Variants in BIRC6 observed in about 807,000 individuals in gnomAD.
The protein encoded by BIRC6 is dual E2 ubiquitin-conjugating enzyme/E3 ubiquitin-protein ligase BIRC6.
A neutral mutation model predicts 503.3 loss-of-function variants in BIRC6; 98 were observed. The ratio of observed to expected loss-of-function variants is 0.19; its 90% confidence interval spans 0.17 to 0.23. The LOEUF is 0.23. BIRC6 is among the 10% of genes least tolerant of loss of function. BIRC6 has a pLI of 1.00. For missense variants in BIRC6, 5,360 were observed against 5,806.0 expected, an observed-to-expected ratio of 0.92 and a Z score of 2.50; for synonymous variants, 2,240 against 2,078.7, an observed-to-expected ratio of 1.08 and a Z score of -2.11.
At chr2:32,554,718 C>G (rs2058659990) in intron 65 of BIRC6, among the ~76,000 whole-genome samples, 1 of 152,012 alleles carries the variant, frequency 6.6e-6, no homozygotes, top group Non-Finnish European at 1.5e-5. Flanking sequence ...TGATTTTTCT[C>G]ACAGTGTATT....
chr2:32,581,344 AAGTC>A (rs1381679599), intron 66 of BIRC6, among the ~76,000 whole-genome samples: 1 of 152,254 alleles, frequency 6.6e-6, no homozygotes, highest in African/African-American at 2.4e-5. Context: ...TTTATTAAAT[AAGTC>A]AGTTTTCTTG....
At chr2:32,383,200 C>G (rs2037939695) in intron 3 of BIRC6, among the ~76,000 whole-genome samples, 1 of 151,634 alleles carries the variant, frequency 6.6e-6, no homozygotes, top group South Asian at 2.1e-4. Context: ...GCGCGTGCCA[C>G]CACGCCTGGC....
chr2:32,583,036 A>C (rs1440194345), intron 66 of BIRC6, among the ~76,000 whole-genome samples: 2 of 152,212 alleles, frequency 1.3e-5, no homozygotes, highest in Non-Finnish European at 2.9e-5. Flanking sequence ...CTAAGTGATT[A>C]ATCTCTTACA....
At chr2:32,535,150 C>CAAAAAAAAA (rs1158856665) in intron 61 of BIRC6, among the ~76,000 whole-genome samples, 73 of 7,274 alleles carry the variant, frequency 0.01, 7 homozygotes, top group Non-Finnish European at 0.013. Context: ...CCCAAAAAAG[C>CAAAAAAAAA]AAAAAAAAAA....
rs371571067 is a variant in BIRC6 at position 32,474,920 on chromosome 2, TG to T, written c.6721-1292del. On this transcript the variant is annotated intron_variant, in intron 33 of 73. Coordinates refer to ENST00000421745, the MANE Select transcript of BIRC6 (RefSeq NM_016252.4). ...GGATTTTTAAAAATAACGTTAGTGA[TG>T]TTTTTTTTCCTGATACCAAAAACAG... is the stretch of plus-strand genomic sequence containing the variant. Among the ~76,000 whole-genome samples, 50 of 152,204 alleles carry T rather than the reference TG, an allele frequency of 3.3e-4. No individual in the cohort carries two copies. The South Asian group carries it at 6.0e-3, about 18-fold the overall frequency.
chr2:32,487,846 G>A, intron 41 of BIRC6, 45 bp downstream of exon 41: 1 of 1,510,964 alleles, frequency 6.6e-7, no homozygotes, highest in Non-Finnish European at 9.1e-7. Context: ...ATTATTGTTA[G>A]CCTGGTAAAA....
intron 23 of BIRC6, among the ~76,000 whole-genome samples, chr2:32,456,529 T>C (rs2047284594): frequency 6.6e-6 from 1 of 152,238 alleles, no homozygotes; most frequent in African/African-American, 2.4e-5. Flanking sequence ...TCATAGGGTA[T>C]TCATATATTC....
intron 26 of BIRC6, among the ~76,000 whole-genome samples, chr2:32,465,905 A>G (rs2048492712): frequency 1.4e-5 from 2 of 141,532 alleles, no homozygotes; most frequent in African/African-American, 4.9e-5. Flanking sequence ...AAAGTCTTAC[A>G]GTATTTTCTG....
chr2:32,456,014 A>T (rs1411313211), intron 23 of BIRC6, among the ~76,000 whole-genome samples: 1 of 152,198 alleles, frequency 6.6e-6, no homozygotes, highest in Non-Finnish European at 1.5e-5. Context: ...TGCAGAAAAT[A>T]ATTGCATAGC....
At chr2:32,372,429 G>A (rs941807298) in intron 1 of BIRC6, among the ~76,000 whole-genome samples, 7 of 152,106 alleles carry the variant, frequency 4.6e-5, no homozygotes, top group Non-Finnish European at 1.0e-4. Flanking sequence ...CTTGCACTTA[G>A]CATGATGCCC....
intron 55 of BIRC6, among the ~76,000 whole-genome samples, chr2:32,516,167 A>G (rs955122033): frequency 1.1e-4 from 17 of 152,220 alleles, no homozygotes; most frequent in African/African-American, 4.1e-4. Flanking sequence ...TTCTCTTTAC[A>G]TGGGCATTAG....
chr2:32,512,308 T>C lies in BIRC6; in HGVS notation c.10347-625T>C, dbSNP rs1337519871. ...ATAAACAAAATGTAAACACAGTGTT[T>C]TAAGAACTTGAGAAATCTAAAAGTC... On this transcript the variant is annotated intron_variant, in intron 53 of 73. Coordinates refer to ENST00000421745, the MANE Select transcript of BIRC6 (RefSeq NM_016252.4). Among the ~76,000 whole-genome samples the C allele has an allele frequency of 2.0e-5, 3 of 152,218 alleles. No homozygotes were observed. In the East Asian group the frequency reaches 5.8e-4, roughly 29 times the overall value.
chr2:32,483,319 A>G (rs1234437175), intron 39 of BIRC6, among the ~76,000 whole-genome samples: 4 of 152,196 alleles, frequency 2.6e-5, no homozygotes, highest in Admixed American at 6.5e-5. Flanking sequence ...CTGTTATAAA[A>G]TATTTTTTAA....
chr2:32,375,746 T>C lies in BIRC6; in HGVS notation c.326-1842T>C, dbSNP rs1432507413. 3.4e-3 allele frequency among the ~76,000 whole-genome samples: 503 copies of C among 148,316 alleles called. 12 individuals are homozygous for C. In the East Asian group the frequency reaches 0.079, roughly 23 times the overall value. ...TAAATGTATTTTCTTTCTCTCTCTT[T>C]TTTTTTTTTTTTGCAATTCAGCTTT... is the stretch of plus-strand genomic sequence containing the variant. On this transcript the variant is annotated intron_variant, in intron 1 of 73. Coordinates refer to ENST00000421745, the MANE Select transcript of BIRC6 (RefSeq NM_016252.4).
intron 61 of BIRC6, among the ~76,000 whole-genome samples, chr2:32,541,483 T>G (rs1247650364): frequency 6.6e-6 from 1 of 152,006 alleles, no homozygotes; most frequent in Non-Finnish European, 1.5e-5. Flanking sequence ...GAAGAAATAG[T>G]GAACTAATCA....
At chr2:32,436,889 T>C (rs1190217907) in intron 15 of BIRC6, among the ~76,000 whole-genome samples, 4 of 23,370 alleles carry the variant, frequency 1.7e-4, no homozygotes, top group African/African-American at 6.0e-4. Flanking sequence ...GTTTTTTCTT[T>C]TTTTTTTTTT....
intron 65 of BIRC6, among the ~76,000 whole-genome samples, chr2:32,570,046 T>G (rs2059815906): frequency 6.6e-6 from 1 of 152,158 alleles, no homozygotes; most frequent in Admixed American, 6.5e-5. Flanking sequence ...TTAAGTATAG[T>G]GTTAGCTGTG....
intron 10 of BIRC6, among the ~76,000 whole-genome samples, 197 bp downstream of exon 10, chr2:32,416,360 A>G (rs1461725880): frequency 6.6e-6 from 1 of 152,044 alleles, no homozygotes; most frequent in African/African-American, 2.4e-5. Flanking sequence ...TCTAACTGTA[A>G]ATAAGTTAGT....
At chr2:32,523,957 T>TC (rs1204827385) in intron 57 of BIRC6, among the ~76,000 whole-genome samples, 1 of 151,624 alleles carries the variant, frequency 6.6e-6, no homozygotes, top group Non-Finnish European at 1.5e-5. Context: ...GGTGAGATGA[T>TC]CACTTGAGCC....
Sources: allele counts gnomAD v4.1 joint callset (sites outside exome capture counted in the v4.1 genomes callset), GRCh38; gene constraint gnomAD v4.1.1; transcripts MANE v1.5; gene names NCBI Gene and HGNC (gene_info 2026-07-23, HGNC 2026-07-21).